DOK6: variants seen among roughly 807,000 people sequenced by gnomAD.
The protein encoded by DOK6 is docking protein 6.
In DOK6, 22 loss-of-function variants were observed where a neutral mutation model predicts 44.0. The ratio of observed to expected loss-of-function variants is 0.50; its 90% CI spans 0.36 to 0.71. The LOEUF (loss-of-function observed/expected upper bound fraction) is 0.71. DOK6 is among the 30% of genes least tolerant of loss of function. The pLI is 0.00. For synonymous variants in DOK6, 166 were observed against 145.5 expected (o/e 1.14, Z -1.01); for missense variants, 340 against 416.4 (o/e 0.82, Z 1.60).
At chr18:69,711,541 G>A (rs1443080431) in intron 5 of DOK6, among the ~76,000 whole-genome samples, 1 of 152,086 alleles carries the variant, frequency 6.6e-6, no homozygotes, top group East Asian at 1.9e-4. Flanking sequence ...ATTACAATTA[G>A]TATACATGAA....
chr18:69,848,944 T>C lies in DOK6; in HGVS notation c.*7561T>C, dbSNP rs1422568718. On this transcript the variant is annotated 3_prime_UTR_variant, in exon 8 of 8. Transcript: ENST00000382713. The stretch of plus-strand genomic sequence containing the variant: ...ATTACTTGGTTTTCTTATACTTTTG[T>C]TATCATGTGATGAAATGTAACTATG... 2 of 152,232 alleles carry C rather than the reference T, an allele frequency of 1.3e-5. No individual in the cohort carries two copies. Among genetic ancestry groups the C allele is most frequent in the Admixed American group, 1.3e-4 (2 of 15,288 alleles). The allele number at this position is 152,232 out of a possible 1,614,324, so 9.4% of individuals were successfully genotyped here. A position where few individuals can be genotyped will look rare whatever the true frequency, so the allele number is the denominator to read the frequency against.
chr18:69,511,118 A>C (rs1981353803), intron 1 of DOK6, among the ~76,000 whole-genome samples: 1 of 152,192 alleles, frequency 6.6e-6, no homozygotes, highest in Non-Finnish European at 1.5e-5. Flanking sequence ...TTTTCTTTAC[A>C]TTAAAAATTT....
chr18:69,464,631 C>T (rs183581355), intron 1 of DOK6, among the ~76,000 whole-genome samples: 8 of 152,182 alleles, frequency 5.3e-5, no homozygotes, highest in Non-Finnish European at 8.8e-5. Context: ...GTGTTGACAT[C>T]ATCTATAAAG....
At chr18:69,525,374 A>G (rs889637109) in intron 1 of DOK6, among the ~76,000 whole-genome samples, 3 of 151,976 alleles carry the variant, frequency 2.0e-5, no homozygotes, top group Non-Finnish European at 2.9e-5. Context: ...GAAATGTGTC[A>G]TGAATAATTT....
chr18:69,770,652 G>A (rs887665839), intron 7 of DOK6, among the ~76,000 whole-genome samples: 8 of 151,990 alleles, frequency 5.3e-5, no homozygotes, highest in South Asian at 4.1e-4. Flanking sequence ...AAAGCACACC[G>A]TATATGTAAA....
intron 6 of DOK6, among the ~76,000 whole-genome samples, chr18:69,757,438 A>G (rs1840524729): frequency 6.6e-6 from 1 of 152,232 alleles, no homozygotes; most frequent in South Asian, 2.1e-4. Flanking sequence ...AGAAATGTAA[A>G]TAACTTTGTC....
chr18:69,440,553 C>T (rs1303909827), intron 1 of DOK6, among the ~76,000 whole-genome samples: 1 of 152,064 alleles, frequency 6.6e-6, no homozygotes, highest in East Asian at 1.9e-4. Flanking sequence ...TTGGGAATGT[C>T]GGCCTTCTTA....
At chr18:69,432,921 A>C in intron 1 of DOK6, among the ~76,000 whole-genome samples, 1 of 152,184 alleles carries the variant, frequency 6.6e-6, no homozygotes, top group East Asian at 1.9e-4. Flanking sequence ...GTGTGTGTGC[A>C]TTATATTTTC....
intron 1 of DOK6, among the ~76,000 whole-genome samples, chr18:69,561,204 G>A (rs1354594940): frequency 6.6e-6 from 1 of 152,104 alleles, no homozygotes; most frequent in Non-Finnish European, 1.5e-5. Flanking sequence ...TATCAGCTAA[G>A]ACACTAAGTA....
intron 1 of DOK6, among the ~76,000 whole-genome samples, chr18:69,504,390 A>G (rs1847337925): frequency 6.6e-6 from 1 of 152,078 alleles, no homozygotes; most frequent in South Asian, 2.1e-4. Flanking sequence ...ACACAATCAC[A>G]ATTTTTAATG....
In DOK6 at chr18:69,846,975, C is replaced by G. The variant is rs1424181732; in HGVS notation, c.*5592C>G. ...TTAAATAAGAAATATGTTAAAATTA[C>G]TAAATAATATGAAAACCACATTATA... On this transcript the variant is annotated 3_prime_UTR_variant, in exon 8 of 8. Transcript: ENST00000382713. The G allele has an allele frequency of 6.6e-6, 1 of 151,966 alleles. No homozygotes were observed. Among genetic ancestry groups the G allele is most frequent in the Non-Finnish European group, 1.5e-5 (1 of 67,984 alleles). The allele number at this position is 151,966 out of a possible 1,614,324, so 9.4% of individuals were successfully genotyped here. A position where few individuals can be genotyped will look rare whatever the true frequency, so the allele number is the denominator to read the frequency against.
At chr18:69,690,707 G>A (rs1302583720) in intron 4 of DOK6, among the ~76,000 whole-genome samples, 1 of 152,128 alleles carries the variant, frequency 6.6e-6, no homozygotes, top group Non-Finnish European at 1.5e-5. Context: ...AAATTCATAT[G>A]AAACTCAATA....
chr18:69,754,710 CTG>C (rs1040098681), intron 6 of DOK6, among the ~76,000 whole-genome samples: 9 of 152,184 alleles, frequency 5.9e-5, no homozygotes, highest in African/African-American at 1.2e-4. Context: ...AGCCTTTTCT[CTG>C]TGAATATTTA....
chr18:69,574,955 A>G (rs1983204517), intron 2 of DOK6, among the ~76,000 whole-genome samples: 2 of 152,054 alleles, frequency 1.3e-5, no homozygotes, highest in Admixed American at 6.6e-5. Flanking sequence ...AGGAGGAGAT[A>G]GATTTAGGTG....
chr18:69,424,670 C>G (rs1312260171), intron 1 of DOK6, among the ~76,000 whole-genome samples: 1 of 152,106 alleles, frequency 6.6e-6, no homozygotes, highest in Non-Finnish European at 1.5e-5. Flanking sequence ...TTTACAACAA[C>G]ATAAAGCTAC....
rs140018021 is a variant in DOK6, at chr18:69,713,589, AT to A, written c.599+15002del. On this transcript the variant is annotated intron_variant, in intron 5 of 7. Coordinates refer to ENST00000382713, the MANE Select transcript of DOK6 (RefSeq NM_152721.6). ...GCACCCTGTTCACATGTGATCATATATTTTTTGTCATTTTGCACATGACAAT... is the reference window on the plus strand; with the variant it reads ...GCACCCTGTTCACATGTGATCATATATTTTTGTCATTTTGCACATGACAAT... Among the ~76,000 whole-genome samples, 1,297 of 152,168 alleles carry A rather than the reference AT, an allele frequency of 8.5e-3. 18 individuals are homozygous for A. Among genetic ancestry groups the A allele is most frequent in the African/African-American group, 0.029 (1,219 of 41,492 alleles).
chr18:69,511,397 AATT>A (rs1264363539), intron 1 of DOK6, among the ~76,000 whole-genome samples: 18 of 152,156 alleles, frequency 1.2e-4, no homozygotes, highest in African/African-American at 4.3e-4. Context: ...GAGATCTAAT[AATT>A]ATTATACTTG....
intron 1 of DOK6, among the ~76,000 whole-genome samples, chr18:69,423,232 A>T (rs972958333): frequency 6.6e-6 from 1 of 152,086 alleles, no homozygotes; most frequent in African/African-American, 2.4e-5. Flanking sequence ...AGTCTGGGAG[A>T]TCTAAGCTGT....
At chr18:69,738,293 C>G (rs563982479) in intron 5 of DOK6, among the ~76,000 whole-genome samples, 130 of 152,184 alleles carry the variant, frequency 8.5e-4, no homozygotes, top group South Asian at 3.5e-3. Flanking sequence ...ACACAGAAAT[C>G]CAATTAATAT....
Sources: allele counts gnomAD v4.1 joint callset (sites outside exome capture counted in the v4.1 genomes callset), GRCh38; gene constraint gnomAD v4.1.1; transcripts MANE v1.5; gene names NCBI Gene and HGNC (gene_info 2026-07-23, HGNC 2026-07-21).